CCNT1: variants seen among roughly 807,000 people sequenced by gnomAD.
The protein encoded by CCNT1 is cyclin-T1.
In CCNT1, 18 loss-of-function variants were observed where a neutral mutation model predicts 67.3. That is an observed-to-expected ratio of 0.27 (90% CI 0.18 to 0.40). The LOEUF (loss-of-function observed/expected upper bound fraction) is 0.40. CCNT1 is among the 10% of genes least tolerant of loss of function. CCNT1 has a pLI of 1.00. For missense variants in CCNT1, 744 were observed against 884.9 expected (o/e 0.84, Z 2.02); for synonymous variants, 333 against 310.3 (o/e 1.07, Z -0.77).
rs1329951629 is a variant in CCNT1, at chr12:48,699,763, G to A, written c.496+15C>T. 4.4e-6 allele frequency: 7 copies of A among 1,575,952 alleles called. No homozygotes were observed. The highest frequency in any genetic ancestry group is 1.7e-5 in the Admixed American group (1 of 58,892). ...AAACAGCTTGAGATAGTCTTCATAA[G>A]CTGGGATTCCTTACCTCGAACAAGT... is the stretch of plus-strand genomic sequence containing the variant. On this transcript the variant is annotated intron_variant, in intron 5 of 8. Transcript: ENST00000261900.
intron 3 of CCNT1, among the ~76,000 whole-genome samples, chr12:48,703,307 C>G (rs1021379876): frequency 6.6e-6 from 1 of 152,046 alleles, no homozygotes; most frequent in Admixed American, 6.6e-5. Flanking sequence ...GACATGGTGG[C>G]TCACGCCTAT....
intron 4 of CCNT1, among the ~76,000 whole-genome samples, chr12:48,700,274 G>C (rs1940243342): frequency 6.8e-6 from 1 of 148,086 alleles, no homozygotes; most frequent in Non-Finnish European, 1.5e-5. Context: ...AGCCAAGATT[G>C]TGCCACTGCA....
rs926825249 is a variant in CCNT1, at chr12:48,707,867, G to A, written c.244-1971C>T. Among the ~76,000 whole-genome samples, 7 of 151,552 alleles carry A rather than the reference G, an allele frequency of 4.6e-5. No individual in the cohort carries two copies. The East Asian group carries it at 7.9e-4, about 17-fold the overall frequency. ...GAAGTCAGGAATTCAAGACCAGCCC[G>A]GCCAACATGGTGAAACCCCGTCTCT... On this transcript the variant is annotated intron_variant, in intron 2 of 8. Coordinates refer to ENST00000261900, the MANE Select transcript of CCNT1 (RefSeq NM_001240.4).
At chr12:48,713,737 T>A (rs1366556193) in intron 2 of CCNT1, among the ~76,000 whole-genome samples, 1 of 152,168 alleles carries the variant, frequency 6.6e-6, no homozygotes, top group African/African-American at 2.4e-5. Context: ...TGAGCCATAA[T>A]CAAATCACTG....
rs181443511 is a variant in CCNT1 at position 48,688,788 on chromosome 12, G to A, written c.*4245C>T. ...TCTCACCACAAAATTGTACCTGAGT[G>A]ACAGATTGGTAAAGTGTTTTACTTT... On this transcript the variant is annotated 3_prime_UTR_variant, in exon 9 of 9. Transcript: ENST00000261900. 47 of 151,062 alleles carry A rather than the reference G, an allele frequency of 3.1e-4. No individual in the cohort carries two copies. The highest frequency in any genetic ancestry group is 9.2e-4 in the African/African-American group (38 of 41,396). The allele number at this position is 151,062 out of a possible 1,614,324, so 9.4% of individuals were successfully genotyped here.
intron 3 of CCNT1, among the ~76,000 whole-genome samples, chr12:48,703,771 C>T (rs1230077223): frequency 1.3e-5 from 2 of 151,364 alleles, no homozygotes; most frequent in Non-Finnish European, 3.0e-5. Context: ...CCCATCTCTA[C>T]AAAAACTAGC....
In CCNT1 at chr12:48,693,045, G is replaced by T. The variant is rs757189528; in HGVS notation, c.2169C>A (p.Pro723=). The T allele has an allele frequency of 3.8e-6, 6 of 1,588,470 alleles. No individual in the cohort carries two copies. ...TCTTTTTCTTTTTTTACTTAGGAAG[G>T]GGTGGAAGTGGTGGAGGAGGTTCTG... is the stretch of plus-strand genomic sequence containing the variant. ...LPSEPPPPLP[P]LPK is the part of the protein sequence containing the mutation. The change falls in exon 9 of 9, where the codon CCC becomes CCA. Residue 723 remains proline (P), a synonymous_variant. Transcript: ENST00000261900.
chr12:48,714,355 AGTTC>A, intron 2 of CCNT1, 84 bp downstream of exon 2: 1 of 771,464 alleles, frequency 1.3e-6, no homozygotes. Context: ...TTCAAGTTAC[AGTTC>A]AGTAGCAAAG....
At chr12:48,709,280 C>A (rs1940412364) in intron 2 of CCNT1, among the ~76,000 whole-genome samples, 1 of 152,158 alleles carries the variant, frequency 6.6e-6, no homozygotes, top group African/African-American at 2.4e-5. Context: ...ATAAATGTTT[C>A]TTGAGGTAAT....
chr12:48,704,550 C>G (rs895586565), intron 3 of CCNT1, among the ~76,000 whole-genome samples: 1 of 152,178 alleles, frequency 6.6e-6, no homozygotes, highest in African/African-American at 2.4e-5. Flanking sequence ...GTGGCTCATG[C>G]CTGTAATCCC....
At chr12:48,697,689 G>A (rs1940194152) in intron 6 of CCNT1, among the ~76,000 whole-genome samples, 1 of 147,406 alleles carries the variant, frequency 6.8e-6, no homozygotes, top group Admixed American at 6.8e-5. Context: ...CGTGGTGGCG[G>A]GTACCTGTAG....
chr12:48,697,522 TAA>T (rs1205232506), intron 6 of CCNT1, among the ~76,000 whole-genome samples: 73 of 116,802 alleles, frequency 6.2e-4, no homozygotes, highest in African/African-American at 1.7e-3. Context: ...GACTCTGTCT[TAA>T]AAAAAAAAAA....
In CCNT1 at chr12:48,693,154, T is replaced by C. The variant is rs138497401; in HGVS notation, c.2060A>G (p.Tyr687Cys). The stretch of plus-strand genomic sequence containing the variant: ...AGACCGAGGATTCAGATAGTCACTA[T>C]AAGGACGAACAAATTCAAATGCAGT... ...QPTAFEFVRP[Y>C]SDYLNPRSGG... Residue 687 changes from tyrosine to cysteine, a missense_variant, in exon 9 of 9, where the codon TAT becomes TGT. Tyr to Cys is a radical substitution (Grantham distance 194). Around this residue, in one of 3 missense-constraint regions of CCNT1, gnomAD observed 564 missense variants for 574.2 expected, o/e 0.98. Coordinates refer to ENST00000261900, the MANE Select transcript of CCNT1 (RefSeq NM_001240.4). The C allele has an allele frequency of 2.5e-6, 4 of 1,614,060 alleles. No homozygotes were observed. Among genetic ancestry groups the C allele is most frequent in the Admixed American group, 1.7e-5 (1 of 59,996 alleles).
chr12:48,706,224 A>G (rs1360182085), intron 2 of CCNT1, among the ~76,000 whole-genome samples: 1 of 152,204 alleles, frequency 6.6e-6, no homozygotes, highest in Non-Finnish European at 1.5e-5. Flanking sequence ...TTTAAGGAGT[A>G]AACTGAAATG....
At chr12:48,700,894 A>G (rs1053379460) in intron 4 of CCNT1, 119 bp downstream of exon 4, 4 of 591,706 alleles carry the variant, frequency 6.8e-6, no homozygotes, top group Non-Finnish European at 9.0e-6. Flanking sequence ...TATCATCTGG[A>G]AACAGAGGGA....
At chr12:48,700,740 G>A (rs1386953113) in intron 4 of CCNT1, among the ~76,000 whole-genome samples, 1 of 151,972 alleles carries the variant, frequency 6.6e-6, no homozygotes, top group Non-Finnish European at 1.5e-5. Context: ...TAATTTTTGG[G>A]GGTAAAAATC....
In CCNT1 at chr12:48,693,176, C is replaced by G; in HGVS notation, c.2038G>C (p.Ala680Pro). The change falls in exon 9 of 9, where the codon GCA (alanine) becomes CCA (proline). Residue 680 changes from alanine to proline, a missense_variant. Around this residue, in one of 3 missense-constraint regions of CCNT1, gnomAD observed 564 missense variants for 574.2 expected, o/e 0.98. Coordinates refer to ENST00000261900, the MANE Select transcript of CCNT1 (RefSeq NM_001240.4). ...AQGVQPTQPT[A>P]FEFVRPYSDY... ...CTATAAGGACGAACAAATTCAAATGCAGTGGGCTGAGTGGGCTGAACACCC... is the reference window on the plus strand; with the variant it reads ...CTATAAGGACGAACAAATTCAAATGGAGTGGGCTGAGTGGGCTGAACACCC... 1 of 1,614,114 alleles carries G rather than the reference C, an allele frequency of 6.2e-7. No homozygotes were observed. Among genetic ancestry groups the G allele is most frequent in the Non-Finnish European group, 8.5e-7 (1 of 1,180,024 alleles).
At position 48,691,045 on chromosome 12, in the gene CCNT1, G is replaced by A. The variant is rs1478153029; in HGVS notation, c.*1988C>T. On this transcript the variant is annotated 3_prime_UTR_variant, in exon 9 of 9. Coordinates refer to ENST00000261900, the MANE Select transcript of CCNT1 (RefSeq NM_001240.4). Reference sequence around the variant, plus strand: ...CATAGAAAATATCAAGGGGAAAGAGGAAAATGTCATCTATAAAGTGAAGTG... The same window carrying A: ...CATAGAAAATATCAAGGGGAAAGAGAAAAATGTCATCTATAAAGTGAAGTG... 1 of 152,092 alleles carries A rather than the reference G, an allele frequency of 6.6e-6. No individual in the cohort carries two copies. 9.4% of individuals were successfully genotyped at this position (152,092 alleles called of 1,614,324 possible).
Position 48,693,139 on chromosome 12 carries a change from T to C in CCNT1, c.2075A>G (p.Asn692Ser). ...EFVRPYSDYL[N>S]PRSGGISSRS... ...CGAGGAGATTCCACCAGACCGAGGA[T>C]TCAGATAGTCACTATAAGGACGAAC... Residue 692 changes from asparagine to serine, a missense_variant, in exon 9 of 9, where the codon AAT becomes AGT. Asn to Ser is a conservative substitution (Grantham distance 46). Transcript: ENST00000261900. 2 of 1,614,148 alleles carry C rather than the reference T, an allele frequency of 1.2e-6. No individual in the cohort carries two copies. Among genetic ancestry groups the C allele is most frequent in the African/African-American group, 2.7e-5 (2 of 75,044 alleles).
Sources: gnomAD v4.1 joint callset for allele counts (sites outside exome capture counted in the v4.1 genomes callset) on GRCh38, gnomAD v4.1.1 for gene constraint, gnomAD v4.1.1 regional missense constraint, MANE v1.5 for transcripts, NCBI Gene and HGNC (gene_info 2026-07-23, HGNC 2026-07-21) for gene names.